Variants in PREP observed in about 807,000 individuals in gnomAD.
The protein encoded by PREP is prolyl endopeptidase.
A neutral mutation model predicts 87.6 loss-of-function variants in PREP; 29 were observed. The observed-to-expected ratio is 0.33, with a 90% CI of 0.25 to 0.45. The LOEUF (loss-of-function observed/expected upper bound fraction) is 0.45. PREP is among the 20% of genes least tolerant of loss of function. The pLI is 1.00. For missense variants in PREP, 695 were observed against 886.5 expected (o/e 0.78, Z 2.74); for synonymous variants, 337 against 328.6 (o/e 1.03, Z -0.28).
chr6:105,312,647 A>AT (rs1473996534), intron 10 of PREP, among the ~76,000 whole-genome samples: 3 of 152,202 alleles, frequency 2.0e-5, no homozygotes, highest in Non-Finnish European at 4.4e-5. Flanking sequence ...TCCATGCTGT[A>AT]TTTTCAACTA....
chr6:105,281,808 G>A lies in PREP; in HGVS notation c.1776C>T (p.Gly592=). The A allele has an allele frequency of 6.2e-7, 1 of 1,614,184 alleles. No individual in the cohort carries two copies. Among genetic ancestry groups the A allele is most frequent in the East Asian group, 2.2e-5 (1 of 44,886 alleles). Residue 592 remains glycine, a synonymous_variant, in exon 14 of 15, where the codon GGC becomes GGT. Transcript: ENST00000652536. ...ACCCATAATCAGTGGTCCAAGCATG[G>A]CCGATGGTATATTTATGAAACTTCA... ...DMLKFHKYTI[G]HAWTTDYGCS...
At chr6:105,391,482 A>G (rs757319583) in intron 2 of PREP, among the ~76,000 whole-genome samples, 1 of 152,202 alleles carries the variant, frequency 6.6e-6, no homozygotes, top group Non-Finnish European at 1.5e-5. Flanking sequence ...TTGGCCTCCC[A>G]AAGTGCTGAG....
intron 10 of PREP, among the ~76,000 whole-genome samples, chr6:105,312,352 C>T (rs1321673410): frequency 1.3e-5 from 2 of 152,204 alleles, no homozygotes; most frequent in Non-Finnish European, 2.9e-5. Flanking sequence ...CTGGTAGATG[C>T]TCTTAAAGAC....
chr6:105,365,998 T>C (rs1159377389), intron 6 of PREP, among the ~76,000 whole-genome samples: 5 of 152,152 alleles, frequency 3.3e-5, no homozygotes, highest in African/African-American at 7.2e-5. Context: ...CTCACGCCTA[T>C]AATCCCAGCA....
In PREP at chr6:105,323,787, CTTGGT is replaced by C; in HGVS notation, c.1214-24_1214-20del. Reference sequence around the variant, plus strand: ...ATGATACCTAAAAAGTAGAATAAGGCTTGGTTTAGTCTACGGGACTCACTAGATTC... The same window carrying C: ...ATGATACCTAAAAAGTAGAATAAGGCTTAGTCTACGGGACTCACTAGATTC... On this transcript the variant is annotated intron_variant, in intron 9 of 14. Coordinates refer to ENST00000652536, the MANE Select transcript of PREP (RefSeq NM_002726.5). 6.3e-7 allele frequency: 1 copy of C among 1,590,104 alleles called. No homozygotes were observed.
intron 7 of PREP, among the ~76,000 whole-genome samples, chr6:105,351,427 A>G (rs181761435): frequency 1.2e-3 from 185 of 151,326 alleles, no homozygotes; most frequent in Middle Eastern, 6.9e-3. Flanking sequence ...TGGAATCCCA[A>G]TCTCTTGAGT....
Position 105,278,574 on chromosome 6 carries a change from G to A in PREP, c.1839-136C>T, listed in dbSNP as rs971450251. ...TGACCACCATGGACTGTGCCTATGCGTTACCATTTAGGCCATGACTGGCAA... is the reference window on the plus strand; with the variant it reads ...TGACCACCATGGACTGTGCCTATGCATTACCATTTAGGCCATGACTGGCAA... On this transcript the variant is annotated intron_variant, in intron 14 of 14. Coordinates refer to ENST00000652536, the MANE Select transcript of PREP (RefSeq NM_002726.5). The surrounding 1 kb of genome is among the most constrained non-coding windows in gnomAD (Gnocchi z 4.2). The A allele has an allele frequency of 4.1e-5, 37 of 912,602 alleles. No homozygotes were observed. Among genetic ancestry groups the A allele is most frequent in the Non-Finnish European group, 4.8e-5 (30 of 620,262 alleles). The allele number at this position is 912,602 out of a possible 1,614,324, so 56.5% of individuals were successfully genotyped here. A position where few individuals can be genotyped will look rare whatever the true frequency, so the allele number is the denominator to read the frequency against.
rs1769961925 is a variant in PREP at position 105,277,287 on chromosome 6, T to A, written c.*857A>T. On this transcript the variant is annotated 3_prime_UTR_variant, in exon 15 of 15. Coordinates refer to ENST00000652536, the MANE Select transcript of PREP (RefSeq NM_002726.5). ...TAAGAAATGCTTGGATATATGTATCTGTTTGTTTGGATAATTTACTCATGT... is the reference window on the plus strand; with the variant it reads ...TAAGAAATGCTTGGATATATGTATCAGTTTGTTTGGATAATTTACTCATGT... Among the ~76,000 whole-genome samples the A allele has an allele frequency of 7.6e-6, 1 of 132,188 alleles. No homozygotes were observed. The highest frequency in any genetic ancestry group is 1.6e-5 in the Non-Finnish European group (1 of 63,606). 86.7% of individuals were successfully genotyped at this position (132,188 alleles called of 152,430 possible).
In PREP at chr6:105,328,863, T is replaced by G; in HGVS notation, c.1179A>C (p.Glu393Asp). 6.2e-7 allele frequency: 1 copy of G among 1,614,104 alleles called. No individual in the cohort carries two copies. The highest frequency in any genetic ancestry group is 8.5e-7 in the Non-Finnish European group (1 of 1,180,030). ...AAAAGGAAGTAAACTGATAGAAGAT[T>G]TCAGTGTCCTTCTTCTGACCGCTGT... is the stretch of plus-strand genomic sequence containing the variant. ...VGYSGQKKDT[E>D]IFYQFTSFLS... The change falls in exon 9 of 15, where the codon GAA becomes GAC. Residue 393 changes from glutamate to aspartate, a missense_variant. Around this residue, in one of 5 missense-constraint regions of PREP, gnomAD observed 517 missense variants for 620.3 expected, o/e 0.83. Transcript: ENST00000652536.
At position 105,353,527 on chromosome 6, in the gene PREP, T is replaced by C. The variant is rs573553888; in HGVS notation, c.718-450A>G. Among the ~76,000 whole-genome samples, 31 of 152,144 alleles carry C rather than the reference T, an allele frequency of 2.0e-4. No individual in the cohort carries two copies. In the East Asian group the frequency reaches 3.1e-3, roughly 15 times the overall value. On this transcript the variant is annotated intron_variant, in intron 6 of 14. Transcript: ENST00000652536. The stretch of plus-strand genomic sequence containing the variant: ...GGTTCACGCCTGTAATCCCAGCACT[T>C]TGGGAAGCCGAGTGGGGGTGGATCA...
Position 105,340,905 on chromosome 6 carries a change from C to T in PREP, c.824-7400G>A, listed in dbSNP as rs192938429. On this transcript the variant is annotated intron_variant, in intron 7 of 14. Coordinates refer to ENST00000652536, the MANE Select transcript of PREP (RefSeq NM_002726.5). ...ATTCATAAAGCAAGTCCTTAGAGAC[C>T]TACGAAGAGACTTAGACTCCCACAC... 5.0e-3 allele frequency among the ~76,000 whole-genome samples: 762 copies of T among 152,244 alleles called. 15 individuals carry two copies. The highest frequency in any genetic ancestry group is 0.037 in the Admixed American group (562 of 15,294).
chr6:105,356,290 T>C (rs1197010602), intron 6 of PREP, among the ~76,000 whole-genome samples: 2 of 152,332 alleles, frequency 1.3e-5, no homozygotes, highest in East Asian at 1.9e-4. Context: ...GCATAGCTTC[T>C]CTGAGGTCTA....
chr6:105,331,210 C>T (rs1184580693), intron 8 of PREP, among the ~76,000 whole-genome samples: 1 of 152,154 alleles, frequency 6.6e-6, no homozygotes, highest in African/African-American at 2.4e-5. Context: ...TTCAACCATG[C>T]TTCTCTTTAA....
intron 7 of PREP, among the ~76,000 whole-genome samples, chr6:105,342,135 A>G (rs575115742): frequency 1.3e-5 from 2 of 152,374 alleles, no homozygotes; most frequent in Non-Finnish European, 2.9e-5. Flanking sequence ...AAAATCCTCA[A>G]TGAAATACTG....
At chr6:105,318,739 T>C (rs1770933789) in intron 10 of PREP, among the ~76,000 whole-genome samples, 1 of 152,202 alleles carries the variant, frequency 6.6e-6, no homozygotes, top group Non-Finnish European at 1.5e-5. Context: ...TCAGAAAGTT[T>C]CTTTTTGAAA....
In PREP at chr6:105,283,857, G is replaced by C. The variant is rs138012501; in HGVS notation, c.1550-1275C>G. ...CTTGGTTCTAACTAATAAAAAATGA[G>C]AGAGCAGACTAGGACCAAATTACTC... On this transcript the variant is annotated intron_variant, in intron 12 of 14. Coordinates refer to ENST00000652536, the MANE Select transcript of PREP (RefSeq NM_002726.5). Among the ~76,000 whole-genome samples the C allele has an allele frequency of 2.7e-3, 411 of 152,286 alleles. 4 individuals are homozygous for C. The highest frequency in any genetic ancestry group is 9.4e-3 in the African/African-American group (392 of 41,552).
chr6:105,374,000 G>T (rs1211061149), intron 4 of PREP, among the ~76,000 whole-genome samples: 1 of 152,236 alleles, frequency 6.6e-6, no homozygotes, highest in South Asian at 2.1e-4. Context: ...CCATATAATA[G>T]AACTAAATTG....
chr6:105,329,136 C>G, intron 8 of PREP, 110 bp from the exon 9 acceptor site: 1 of 1,013,032 alleles, frequency 9.9e-7, no homozygotes, highest in Non-Finnish European at 1.5e-6. Flanking sequence ...AGCAATGAGA[C>G]TTGCAAAGTC....
chr6:105,340,513 TAA>T (rs1443744290), intron 7 of PREP, among the ~76,000 whole-genome samples: 1 of 152,178 alleles, frequency 6.6e-6, no homozygotes, highest in Non-Finnish European at 1.5e-5. Flanking sequence ...GCTAACATCA[TAA>T]TGACAGGATC....
Sources: gnomAD v4.1 joint callset for allele counts (sites outside exome capture counted in the v4.1 genomes callset) on GRCh38, gnomAD v4.1.1 for gene constraint, gnomAD v4.1.1 regional missense constraint, Gnocchi (gnomAD v3.1) non-coding constraint, MANE v1.5 for transcripts, NCBI Gene and HGNC (gene_info 2026-07-23, HGNC 2026-07-21) for gene names.